Variants in DNTT observed in about 807,000 individuals in gnomAD.
DNTT encodes DNA nucleotidylexotransferase, also known as nucleosidetriphosphate:DNA deoxynucleotidylexotransferase.
A neutral mutation model predicts 60.9 loss-of-function variants in DNTT; 47 were observed. The ratio of observed to expected loss-of-function variants is 0.77; its 90% CI spans 0.61 to 0.98. DNTT has a LOEUF of 0.98. Ranked by LOEUF, DNTT falls within the 50% of genes least tolerant of loss-of-function variation. The pLI, the probability that DNTT is intolerant of heterozygous loss-of-function variation, is 0.00. For missense variants in DNTT, 665 were observed against 627.5 expected (o/e 1.06, Z -0.64); for synonymous variants, 224 against 221.2 (o/e 1.01, Z -0.11).
intron 2 of DNTT, 50 bp from the exon 3 acceptor site, chr10:96,319,211 TG>T (rs776164318): frequency 1.3e-6 from 2 of 1,593,882 alleles, no homozygotes; most frequent in African/African-American, 2.7e-5. Flanking sequence ...CGTACATATC[TG>T]TTATTACTAT....
Position 96,327,518 on chromosome 10 carries a change from G to A in DNTT, c.925G>A (p.Glu309Lys), listed in dbSNP as rs756994662. Residue 309 changes from glutamate (E) to lysine (K), a missense_variant, in exon 7 of 11, where the codon GAG (glutamate) becomes AAG (lysine). By Grantham distance (56) the Glu-to-Lys change is moderately conservative. Transcript: ENST00000371174. ...CAGCTGTGTGACCAGGGCAGAAGCA[G>A]AGGCCGTCAGTGTGCTGGTTAAAGA... ...LVSCVTRAEA[E>K]AVSVLVKEAV... The A allele has an allele frequency of 6.2e-7, 1 of 1,614,142 alleles. No homozygotes were observed. The highest frequency in any genetic ancestry group is 8.5e-7 in the Non-Finnish European group (1 of 1,179,978).
intron 1 of DNTT, chr10:96,306,409 A>G (rs1844638692): frequency 6.6e-6 from 1 of 152,186 alleles, no homozygotes; most frequent in Non-Finnish European, 1.5e-5. Context: ...GATTTTTTGG[A>G]AAAGAAATTA....
chr10:96,307,705 G>GTATATATATATATA (rs1203030676), intron 1 of DNTT, among the ~76,000 whole-genome samples: 3 of 52,882 alleles, frequency 5.7e-5, no homozygotes, highest in African/African-American at 2.0e-4. Context: ...GTGTGTGTGT[G>GTATATATATATATA]TATATATATA....
At position 96,323,118 on chromosome 10, in the gene DNTT, A is replaced by G. The variant is rs11188714; in HGVS notation, c.750+390A>G. Reference sequence around the variant, plus strand: ...CAGGAATTCGACCAGCTTGGCCAACATGGTGAAACCCCATCATTTTACAAA... The same window carrying G: ...CAGGAATTCGACCAGCTTGGCCAACGTGGTGAAACCCCATCATTTTACAAA... On this transcript the variant is annotated intron_variant, in intron 5 of 10. Transcript: ENST00000371174. 6.5e-3 allele frequency among the ~76,000 whole-genome samples: 986 copies of G among 152,298 alleles called. 7 individuals are homozygous for G. The highest frequency in any genetic ancestry group is 0.022 in the African/African-American group (898 of 41,566).
At chr10:96,334,871 T>C (rs1160439131) in intron 9 of DNTT, among the ~76,000 whole-genome samples, 1 of 152,218 alleles carries the variant, frequency 6.6e-6, no homozygotes, top group Non-Finnish European at 1.5e-5. Flanking sequence ...ATTTGCCCAT[T>C]TTATTTTTAA....
At chr10:96,307,734 A>ATATATATATATGC in intron 1 of DNTT, among the ~76,000 whole-genome samples, 1 of 72,580 alleles carries the variant, frequency 1.4e-5, no homozygotes, top group South Asian at 4.8e-4. Context: ...TATATATATA[A>ATATATATATATGC]GCATATATAT....
intron 1 of DNTT, among the ~76,000 whole-genome samples, chr10:96,309,497 C>T (rs55845678): frequency 0.047 from 7,115 of 151,906 alleles, 228 homozygotes; most frequent in Non-Finnish European, 0.069. Context: ...TTTGCCTGCT[C>T]ATTTTTTACT....
chr10:96,326,767 C>G (rs372095265), intron 6 of DNTT, among the ~76,000 whole-genome samples: 1 of 152,156 alleles, frequency 6.6e-6, no homozygotes, highest in Non-Finnish European at 1.5e-5. Context: ...AGGAGAGCAG[C>G]GATGCTGAAG....
chr10:96,311,422 G>A (rs1255652981), intron 1 of DNTT, among the ~76,000 whole-genome samples: 1 of 152,102 alleles, frequency 6.6e-6, no homozygotes, highest in African/African-American at 2.4e-5. Context: ...CCTCCTGGAG[G>A]GTTTTTCTAA....
chr10:96,309,444 C>T (rs965529017), intron 1 of DNTT, among the ~76,000 whole-genome samples: 2 of 151,076 alleles, frequency 1.3e-5, no homozygotes, highest in Non-Finnish European at 3.0e-5. Context: ...GCATATATTC[C>T]AAGTTTGAAC....
At position 96,335,913 on chromosome 10, in the gene DNTT, G is replaced by A. The variant is rs779846062; in HGVS notation, c.1382G>A (p.Arg461His). 7 of 1,613,992 alleles carry A rather than the reference G, an allele frequency of 4.3e-6. No individual in the cohort carries two copies. The highest frequency in any genetic ancestry group is 5.9e-6 in the Non-Finnish European group (7 of 1,180,012). The part of the protein sequence containing the change: ...GSRQFERDLR[R>H]YATHERKMIL... ...CAGCAGTTTGAGAGAGACCTCCGGC[G>A]CTATGCCACACATGAGCGGAAGATG... The change falls in exon 10 of 11, where the codon CGC becomes CAC. Residue 461 changes from arginine to histidine, a missense_variant. By Grantham distance (29) the Arg-to-His change is conservative (BLOSUM62 0). Transcript: ENST00000371174.
intron 3 of DNTT, 35 bp from the exon 4 acceptor site, chr10:96,320,583 A>G (rs980868433): frequency 6.2e-7 from 1 of 1,608,986 alleles, no homozygotes; most frequent in African/African-American, 1.3e-5. Flanking sequence ...GGGGCTTGGA[A>G]GCAAATCTCC....
At chr10:96,310,315 C>T (rs1844700339) in intron 1 of DNTT, among the ~76,000 whole-genome samples, 1 of 152,224 alleles carries the variant, frequency 6.6e-6, no homozygotes, top group South Asian at 2.1e-4. Context: ...TTCTATTCTA[C>T]ACTTCAAATT....
At chr10:96,331,628 C>A (rs1482351380) in intron 8 of DNTT, among the ~76,000 whole-genome samples, 1 of 152,196 alleles carries the variant, frequency 6.6e-6, no homozygotes. Context: ...CATGAGAGAT[C>A]TTCCCCTATG....
intron 4 of DNTT, among the ~76,000 whole-genome samples, chr10:96,321,018 G>A (rs572239832): frequency 9.9e-5 from 15 of 151,780 alleles, no homozygotes; most frequent in African/African-American, 3.6e-4. Flanking sequence ...ATATATGTTA[G>A]GGGTTGTGAA....
intron 8 of DNTT, among the ~76,000 whole-genome samples, chr10:96,329,953 G>A (rs1361239547): frequency 6.6e-6 from 1 of 152,206 alleles, no homozygotes; most frequent in African/African-American, 2.4e-5. Flanking sequence ...TGGGAAGGAT[G>A]GAGAGGTGGG....
In DNTT at chr10:96,307,736, CAT is replaced by C. The variant is rs1564868543; in HGVS notation, c.203+3043_203+3044del. Among the ~76,000 whole-genome samples, 16 of 90,738 alleles carry C rather than the reference CAT, an allele frequency of 1.8e-4. 1 individual carries two copies. The South Asian group carries it at 2.2e-3, about 13-fold the overall frequency. 59.5% of individuals were successfully genotyped at this position (90,738 alleles called of 152,430 possible). On this transcript the variant is annotated intron_variant, in intron 1 of 10. Coordinates refer to ENST00000371174, the MANE Select transcript of DNTT (RefSeq NM_004088.4). ...ATATATATATATATATATATATAAG[CAT>C]ATATATGTGTGTGTGTGTGCATATA...
At chr10:96,320,876 A>G (rs965059920) in intron 4 of DNTT, 88 bp downstream of exon 4, 7 of 1,516,450 alleles carry the variant, frequency 4.6e-6, no homozygotes, top group African/African-American at 2.8e-5. Context: ...TTTCCTGTCA[A>G]CTATGTAGAT....
intron 10 of DNTT, among the ~76,000 whole-genome samples, chr10:96,336,334 A>T (rs888535331): frequency 6.6e-6 from 1 of 152,146 alleles, no homozygotes; most frequent in Non-Finnish European, 1.5e-5. Context: ...TACCCCTCAA[A>T]TGCAGGGGGC....
Sources: gnomAD v4.1 joint callset for allele counts (sites outside exome capture counted in the v4.1 genomes callset) on GRCh38, gnomAD v4.1.1 for gene constraint, MANE v1.5 for transcripts, NCBI Gene and HGNC (gene_info 2026-07-23, HGNC 2026-07-21) for gene names.